The following ITGA1 variants were observed in gnomAD, a reference collection of about 807,000 sequenced individuals.
ITGA1 encodes integrin subunit alpha 1, also known as integrin alpha-1.
ITGA1 carries 85 observed loss-of-function variants against 145.9 expected under a neutral mutation model. The ratio of observed to expected loss-of-function variants is 0.58; its 90% CI spans 0.49 to 0.70. The LOEUF (loss-of-function observed/expected upper bound fraction) is 0.70. ITGA1 is among the 30% of genes least tolerant of loss of function. ITGA1 has a pLI of 0.00. For missense variants in ITGA1, 1,351 were observed against 1,418.7 expected (o/e 0.95, Z 0.77); for synonymous variants, 520 against 495.3 (o/e 1.05, Z -0.66).
At chr5:52,900,354 G>A (rs551549165) in intron 11 of ITGA1, among the ~76,000 whole-genome samples, 16 of 152,204 alleles carry the variant, frequency 1.1e-4, no homozygotes, top group African/African-American at 3.9e-4. Context: ...AAAGGCATTT[G>A]ACAATGTGTT....
At chr5:52,914,977 G>A (rs781687264) in intron 14 of ITGA1, among the ~76,000 whole-genome samples, 98 of 152,136 alleles carry the variant, frequency 6.4e-4, no homozygotes, top group Non-Finnish European at 1.1e-3. Context: ...AGACAGTAGA[G>A]ATTACATATT....
chr5:52,855,302 G>A (rs1295969105), intron 2 of ITGA1, among the ~76,000 whole-genome samples: 1 of 152,090 alleles, frequency 6.6e-6, no homozygotes, highest in East Asian at 1.9e-4. Flanking sequence ...TCAAAGGCAT[G>A]TATAGCATCC....
intron 20 of ITGA1, among the ~76,000 whole-genome samples, chr5:52,928,731 G>A (rs2111884756): frequency 6.6e-6 from 1 of 152,320 alleles, no homozygotes; most frequent in African/African-American, 2.4e-5. Context: ...AAAATAAAAT[G>A]AATGGTGGAT....
intron 1 of ITGA1, among the ~76,000 whole-genome samples, chr5:52,818,930 C>T (rs1748821579): frequency 6.6e-6 from 1 of 152,098 alleles, no homozygotes. Context: ...CTTCATACCA[C>T]AATGGTTTAT....
At chr5:52,847,658 T>G (rs935327732) in intron 1 of ITGA1, among the ~76,000 whole-genome samples, 3 of 152,196 alleles carry the variant, frequency 2.0e-5, no homozygotes, top group Non-Finnish European at 2.9e-5. Context: ...GTTCAAGCGG[T>G]GCCCCTGCCT....
At chr5:52,950,391 G>C (rs866461587) in intron 28 of ITGA1, among the ~76,000 whole-genome samples, 1 of 152,074 alleles carries the variant, frequency 6.6e-6, no homozygotes, top group Non-Finnish European at 1.5e-5. Flanking sequence ...TTATACATTA[G>C]TATGAATTTA....
In ITGA1 at chr5:52,871,750, T is replaced by G. The variant is rs561067696; in HGVS notation, c.624+5933T>G. Among the ~76,000 whole-genome samples the G allele has an allele frequency of 3.3e-5, 5 of 152,302 alleles. 1 individual carries two copies. Among genetic ancestry groups the G allele is most frequent in the Admixed American group, 3.3e-4 (5 of 15,296 alleles). On this transcript the variant is annotated intron_variant, in intron 6 of 28. Coordinates refer to ENST00000282588, the MANE Select transcript of ITGA1 (RefSeq NM_181501.2). ...ACTCTAAAGAGTTACTCAAAATCCA[T>G]TCTATGTTTCTGTGTGGCCCAATTA...
At chr5:52,850,988 C>T (rs1749423594) in intron 2 of ITGA1, among the ~76,000 whole-genome samples, 1 of 152,134 alleles carries the variant, frequency 6.6e-6, no homozygotes, top group African/African-American at 2.4e-5. Flanking sequence ...AAATGCAGTA[C>T]ATGTTATTCT....
At chr5:52,834,583 AAGAG>A (rs1215796430) in intron 1 of ITGA1, among the ~76,000 whole-genome samples, 11 of 109,498 alleles carry the variant, frequency 1.0e-4, no homozygotes, top group Non-Finnish European at 1.9e-4. Context: ...GAAAGAAAGA[AAGAG>A]AGAGAGAGAA....
intron 1 of ITGA1, among the ~76,000 whole-genome samples, chr5:52,832,255 CTGAT>C (rs1254017932): frequency 6.6e-6 from 1 of 152,066 alleles, no homozygotes; most frequent in Non-Finnish European, 1.5e-5. Context: ...AGTTCATACT[CTGAT>C]TGGTCCCCAT....
At chr5:52,938,868 C>T (rs1350136211) in intron 24 of ITGA1, among the ~76,000 whole-genome samples, 3 of 152,050 alleles carry the variant, frequency 2.0e-5, no homozygotes, top group Non-Finnish European at 4.4e-5. Flanking sequence ...TCAATTGTTT[C>T]ATGAGCCATA....
At position 52,952,931 on chromosome 5, in the gene ITGA1, G is replaced by A. The variant is rs1434270716; in HGVS notation, c.*480G>A. The A allele has an allele frequency of 6.6e-6, 1 of 152,206 alleles. No homozygotes were observed. The highest frequency in any genetic ancestry group is 2.4e-5 in the African/African-American group (1 of 41,416). 9.4% of individuals were successfully genotyped at this position (152,206 alleles called of 1,614,324 possible). On this transcript the variant is annotated 3_prime_UTR_variant, in exon 29 of 29. Coordinates refer to ENST00000282588, the MANE Select transcript of ITGA1 (RefSeq NM_181501.2). Reference sequence around the variant, plus strand: ...AAAGATCATTTCTCCCTATTCAAATGAGAATATTTTCCCTTGGTAGAATCC... The same window carrying A: ...AAAGATCATTTCTCCCTATTCAAATAAGAATATTTTCCCTTGGTAGAATCC...
rs1750887346 is a variant in ITGA1, at chr5:52,931,049, G to A, written c.2772-998G>A. ...TCCAAGGCAGCATGCTGCTTTCTCT[G>A]TCCTGCTGCTTATGAGCCACTTTAT... On this transcript the variant is annotated intron_variant, in intron 21 of 28. Coordinates refer to ENST00000282588, the MANE Select transcript of ITGA1 (RefSeq NM_181501.2). 2 of 152,126 alleles carry A rather than the reference G, an allele frequency of 1.3e-5. 1 individual carries two copies. Among genetic ancestry groups the A allele is most frequent in the South Asian group, 4.1e-4 (2 of 4,832 alleles). 9.4% of individuals were successfully genotyped at this position (152,126 alleles called of 1,614,324 possible). A position where few individuals can be genotyped will look rare whatever the true frequency, so the allele number is the denominator to read the frequency against.
intron 1 of ITGA1, among the ~76,000 whole-genome samples, chr5:52,829,585 A>G (rs1286477035): frequency 6.6e-6 from 1 of 152,148 alleles, no homozygotes; most frequent in African/African-American, 2.4e-5. Flanking sequence ...ACTTATATAA[A>G]AAAGACTTTC....
At chr5:52,950,970 A>G (rs913334174) in intron 28 of ITGA1, among the ~76,000 whole-genome samples, 13 of 152,142 alleles carry the variant, frequency 8.5e-5, no homozygotes, top group Admixed American at 7.2e-4. Context: ...CGTGTAGGAG[A>G]GCTGGCATTT....
rs1449866158 is a variant in ITGA1, at chr5:52,824,509, T to C, written c.62-24856T>C. On this transcript the variant is annotated intron_variant, in intron 1 of 28. Coordinates refer to ENST00000282588, the MANE Select transcript of ITGA1 (RefSeq NM_181501.2). ...GTTTCACATGTTGCTCAGGCTGGTCTTGAACTTCTGACCTAAAGTGATCCG... is the reference window on the plus strand; with the variant it reads ...GTTTCACATGTTGCTCAGGCTGGTCCTGAACTTCTGACCTAAAGTGATCCG... 2 of 152,224 alleles carry C rather than the reference T, an allele frequency of 1.3e-5. 1 individual carries two copies. The highest frequency in any genetic ancestry group is 4.8e-5 in the African/African-American group (2 of 41,438). The allele number at this position is 152,224 out of a possible 1,614,324, so 9.4% of individuals were successfully genotyped here.
intron 6 of ITGA1, among the ~76,000 whole-genome samples, chr5:52,877,500 A>C (rs896252766): frequency 2.6e-5 from 4 of 152,196 alleles, no homozygotes; most frequent in African/African-American, 9.7e-5. Context: ...TACCATTGAC[A>C]TGGCAACAAC....
chr5:52,792,728 A>G (rs1045865458), intron 1 of ITGA1, among the ~76,000 whole-genome samples: 1 of 152,144 alleles, frequency 6.6e-6, no homozygotes, highest in African/African-American at 2.4e-5. Context: ...GGGGACTAAA[A>G]TGCTATTCTT....
intron 2 of ITGA1, 41 bp downstream of exon 2, chr5:52,849,526 C>CCTTGTGAAAT: frequency 6.7e-7 from 1 of 1,499,388 alleles, no homozygotes; most frequent in Non-Finnish European, 9.0e-7. Flanking sequence ...ACTTATTTCA[C>CCTTGTGAAAT]AAGGTAATGA....
Sources: allele counts gnomAD v4.1 joint callset (sites outside exome capture counted in the v4.1 genomes callset), GRCh38; gene constraint gnomAD v4.1.1; transcripts MANE v1.5; gene names NCBI Gene and HGNC (gene_info 2026-07-23, HGNC 2026-07-21).